The following GABRG3 variants were observed in gnomAD, a reference collection of about 807,000 sequenced individuals.
The protein encoded by GABRG3 is gamma-aminobutyric acid type A receptor subunit gamma3.
Under a neutral mutation model 48.8 loss-of-function variants are expected in GABRG3, and 25 were observed. The ratio of observed to expected loss-of-function variants is 0.51; its 90% CI spans 0.37 to 0.72. The LOEUF is 0.72. Ranked by LOEUF, GABRG3 falls within the 30% of genes least tolerant of loss-of-function variation. The probability of loss-of-function intolerance (pLI) is 0.00; values close to 1 mark genes in which losing one functional copy is unlikely to be tolerated. For synonymous variants in GABRG3, 227 were observed against 217.6 expected, an observed-to-expected ratio of 1.04 and a Z score of -0.38; for missense variants, 394 against 577.9, an observed-to-expected ratio of 0.68 and a Z score of 3.26.
Position 27,403,929 on chromosome 15 carries a change from CAAAAAAAAA to C in GABRG3, c.574+75045_574+75053del, listed in dbSNP as rs758952317. On this transcript the variant is annotated intron_variant, in intron 5 of 9. Coordinates refer to ENST00000615808, the MANE Select transcript of GABRG3 (RefSeq NM_033223.5). ...CAAAAAAAAACAAAAAAAAAAAAAA[CAAAAAAAAA>C]AAACCGGGCTTGGTAGCTCACGCCT... Among the ~76,000 whole-genome samples, 5 of 83,350 alleles carry C rather than the reference CAAAAAAAAA, an allele frequency of 6.0e-5. No individual in the cohort carries two copies. The East Asian group carries it at 2.0e-3, about 33-fold the overall frequency. 54.7% of individuals were successfully genotyped at this position (83,350 alleles called of 152,430 possible).
chr15:27,139,415 A>C (rs1266904909), intron 3 of GABRG3, among the ~76,000 whole-genome samples: 3 of 152,170 alleles, frequency 2.0e-5, no homozygotes, highest in African/African-American at 7.2e-5. Context: ...CTGGGCCCTC[A>C]GCAGAATGGA....
chr15:27,407,893 T>C (rs1887684929), intron 5 of GABRG3, among the ~76,000 whole-genome samples: 1 of 152,228 alleles, frequency 6.6e-6, no homozygotes, highest in Non-Finnish European at 1.5e-5. Context: ...CAATAGTGGC[T>C]ATGTGCCATA....
chr15:27,298,728 G>T (rs1208949134), intron 3 of GABRG3, among the ~76,000 whole-genome samples: 1 of 151,464 alleles, frequency 6.6e-6, no homozygotes, highest in East Asian at 1.9e-4. Context: ...GGGTACATCT[G>T]CAGAATGTGC....
At chr15:27,396,154 A>G (rs1446059063) in intron 5 of GABRG3, among the ~76,000 whole-genome samples, 1 of 152,166 alleles carries the variant, frequency 6.6e-6, no homozygotes, top group Non-Finnish European at 1.5e-5. Flanking sequence ...ATGAGCCAAC[A>G]TGGTGAGCCT....
intron 2 of GABRG3, among the ~76,000 whole-genome samples, chr15:26,985,995 C>T (rs1895144644): frequency 6.6e-6 from 1 of 152,122 alleles, no homozygotes; most frequent in African/African-American, 2.4e-5. Context: ...CCTGATGACT[C>T]ACCATCTAGG....
chr15:27,408,118 G>T (rs1455943322), intron 5 of GABRG3, among the ~76,000 whole-genome samples: 1 of 151,974 alleles, frequency 6.6e-6, no homozygotes, highest in Non-Finnish European at 1.5e-5. Context: ...AAAAAATAAA[G>T]TCTTAAAAAA....
chr15:27,404,025 A>G (rs542958304), intron 5 of GABRG3, among the ~76,000 whole-genome samples: 2 of 151,262 alleles, frequency 1.3e-5, no homozygotes, highest in Non-Finnish European at 2.9e-5. Context: ...ATTAAGACCA[A>G]CCTGGCTAAC....
At chr15:27,339,368 C>T (rs771459157) in intron 5 of GABRG3, among the ~76,000 whole-genome samples, 1 of 152,244 alleles carries the variant, frequency 6.6e-6, no homozygotes, top group Non-Finnish European at 1.5e-5. Flanking sequence ...AAGAATCAAG[C>T]TGTTGCCCTG....
chr15:27,307,983 A>T (rs1450867689), intron 3 of GABRG3, among the ~76,000 whole-genome samples: 1 of 139,124 alleles, frequency 7.2e-6, no homozygotes, highest in Non-Finnish European at 1.5e-5. Flanking sequence ...AACATATATA[A>T]AATAAACATA....
intron 3 of GABRG3, among the ~76,000 whole-genome samples, chr15:27,072,984 A>G (rs1054108773): frequency 1.2e-4 from 18 of 152,196 alleles, no homozygotes; most frequent in Non-Finnish European, 1.2e-4. Flanking sequence ...TACATTTACT[A>G]CCAAACTAGC....
At chr15:27,002,760 A>AAGAAAAG (rs1555397358) in intron 2 of GABRG3, among the ~76,000 whole-genome samples, 1 of 125,930 alleles carries the variant, frequency 7.9e-6, no homozygotes, top group Non-Finnish European at 1.6e-5. Flanking sequence ...AAAAAAAAAA[A>AAGAAAAG]AAAGGAAGGA....
At chr15:27,357,724 G>A (rs959192149) in intron 5 of GABRG3, among the ~76,000 whole-genome samples, 1 of 152,144 alleles carries the variant, frequency 6.6e-6, no homozygotes. Flanking sequence ...TTCTGTGAAG[G>A]AAATTTACCC....
At chr15:27,259,900 A>C (rs1164056612) in intron 3 of GABRG3, among the ~76,000 whole-genome samples, 1 of 152,186 alleles carries the variant, frequency 6.6e-6, no homozygotes, top group Non-Finnish European at 1.5e-5. Context: ...CCTGTCTGTG[A>C]AATTTTGCGA....
Position 27,327,000 on chromosome 15 carries a change from G to C in GABRG3, c.462G>C (p.Trp154Cys). ...ITTPNQLLRIWNDGKILYTLR... is the reference protein window; with the variant it reads ...ITTPNQLLRICNDGKILYTLR... ...CACCCAATCAGCTCCTCCGGATTTGGAATGACGGGAAAATCCTTTACACTT... is the reference window on the plus strand; with the variant it reads ...CACCCAATCAGCTCCTCCGGATTTGCAATGACGGGAAAATCCTTTACACTT... Residue 154 changes from tryptophan (W) to cysteine (C), a missense_variant, in exon 4 of 10, where the codon TGG (tryptophan) becomes TGC (cysteine). Physicochemically the swap from Trp to Cys is radical, Grantham distance 215. This residue lies in a region of GABRG3 where 218 missense variants were observed against 309.9 expected (regional missense o/e 0.70). Transcript: ENST00000615808. The C allele has an allele frequency of 6.2e-7, 1 of 1,613,922 alleles. No homozygotes were observed. Among genetic ancestry groups the C allele is most frequent in the Non-Finnish European group, 8.5e-7 (1 of 1,179,834 alleles).
chr15:27,314,007 A>T (rs1893124066), intron 3 of GABRG3, among the ~76,000 whole-genome samples: 1 of 152,132 alleles, frequency 6.6e-6, no homozygotes, highest in South Asian at 2.1e-4. Flanking sequence ...AACAATAGAA[A>T]AAATCCACAA....
chr15:27,136,646 T>A (rs1168124211), intron 3 of GABRG3, among the ~76,000 whole-genome samples: 2 of 152,196 alleles, frequency 1.3e-5, no homozygotes, highest in East Asian at 3.9e-4. Context: ...TATGTGGAAA[T>A]GGGCAAACTT....
intron 3 of GABRG3, among the ~76,000 whole-genome samples, chr15:27,231,706 T>G (rs1889806572): frequency 6.6e-6 from 1 of 152,246 alleles, no homozygotes; most frequent in Non-Finnish European, 1.5e-5. Context: ...TTTAACTTAC[T>G]GTCATTTTCC....
At chr15:27,064,224 A>G (rs1896699362) in intron 3 of GABRG3, among the ~76,000 whole-genome samples, 1 of 152,134 alleles carries the variant, frequency 6.6e-6, no homozygotes. Flanking sequence ...GGATACTTGC[A>G]GTGTTGGCTA....
intron 3 of GABRG3, among the ~76,000 whole-genome samples, chr15:27,053,846 C>T (rs555737110): frequency 4.7e-4 from 72 of 152,244 alleles, no homozygotes; most frequent in African/African-American, 1.3e-3. Flanking sequence ...AGGTGGAGGC[C>T]GTGATCCTAA....
Sources: allele counts gnomAD v4.1 joint callset (sites outside exome capture counted in the v4.1 genomes callset), GRCh38; gene constraint gnomAD v4.1.1; regional missense constraint gnomAD v4.1.1; transcripts MANE v1.5; gene names NCBI Gene and HGNC (gene_info 2026-07-23, HGNC 2026-07-21).